MTBP: variants seen among roughly 807,000 people sequenced by gnomAD.
MTBP encodes the protein MDM2 binding protein, also known as mdm2-binding protein.
A neutral mutation model predicts 117.0 loss-of-function variants in MTBP; 101 were observed. The ratio of observed to expected loss-of-function variants is 0.86; its 90% CI spans 0.73 to 1.02. MTBP has a LOEUF of 1.02. MTBP is among the 50% of genes least tolerant of loss of function. The probability of loss-of-function intolerance (pLI) is 0.00; values close to 1 mark genes in which losing one functional copy is unlikely to be tolerated. For synonymous variants in MTBP, 350 were observed against 351.5 expected (o/e 1.00, Z 0.05); for missense variants, 970 against 1,030.9 (o/e 0.94, Z 0.81).
At chr8:120,454,066 G>A (rs920576609) in intron 5 of MTBP, among the ~76,000 whole-genome samples, 161 bp downstream of exon 5, 1 of 151,960 alleles carries the variant, frequency 6.6e-6, no homozygotes, top group African/African-American at 2.4e-5. Flanking sequence ...GTATCCATGG[G>A]AGTACATTAC....
intron 8 of MTBP, among the ~76,000 whole-genome samples, chr8:120,460,395 A>G (rs1003176435): frequency 1.3e-5 from 2 of 152,112 alleles, no homozygotes; most frequent in African/African-American, 4.8e-5. Flanking sequence ...ATAAACACAT[A>G]TGTTTATGAT....
At chr8:120,488,064 A>G in intron 11 of MTBP, 95 bp from the exon 12 acceptor site, 1 of 1,075,468 alleles carries the variant, frequency 9.3e-7, no homozygotes, top group East Asian at 3.0e-5. Context: ...TAAAATAACA[A>G]AAAATTTTAT....
At chr8:120,495,176 A>G (rs1473571209) in intron 13 of MTBP, among the ~76,000 whole-genome samples, 4 of 152,072 alleles carry the variant, frequency 2.6e-5, no homozygotes, top group Admixed American at 2.6e-4. Context: ...GAGTTCTTGC[A>G]TGTCTGAAAA....
chr8:120,455,627 C>T (rs1813451912), intron 6 of MTBP, 48 bp downstream of exon 6: 3 of 1,532,722 alleles, frequency 2.0e-6, no homozygotes, highest in Non-Finnish European at 2.7e-6. Flanking sequence ...TGTCTGTTTT[C>T]ACAATTAACA....
chr8:120,516,632 A>G (rs1196875360), intron 18 of MTBP, among the ~76,000 whole-genome samples: 1 of 152,040 alleles, frequency 6.6e-6, no homozygotes, highest in Non-Finnish European at 1.5e-5. Flanking sequence ...ATAGCTTTAA[A>G]CACTGCATAA....
chr8:120,452,808 C>G (rs117882324), intron 4 of MTBP: 2 of 134,478 alleles, frequency 1.5e-5, no homozygotes, highest in Admixed American at 1.7e-4. Context: ...CCAGCCTGAG[C>G]GACAGAGCAA....
At chr8:120,466,991 G>T (rs1190958789) in intron 10 of MTBP, among the ~76,000 whole-genome samples, 1 of 152,144 alleles carries the variant, frequency 6.6e-6, no homozygotes, top group Non-Finnish European at 1.5e-5. Flanking sequence ...AGAATAAGAT[G>T]GACAGGCCCT....
In MTBP at chr8:120,497,426, T is replaced by C. The variant is rs1814490636; in HGVS notation, c.1481T>C (p.Val494Ala). The C allele has an allele frequency of 6.2e-7, 1 of 1,606,088 alleles. No homozygotes were observed. Among genetic ancestry groups the C allele is most frequent in the Non-Finnish European group, 8.5e-7 (1 of 1,177,612 alleles). The change falls in exon 14 of 22, where the codon GTT (valine) becomes GCT (alanine). Residue 494 changes from valine to alanine, a missense_variant. Val to Ala is a moderately conservative substitution (Grantham distance 64, BLOSUM62 0). Coordinates refer to ENST00000305949, the MANE Select transcript of MTBP (RefSeq NM_022045.5). ...AAGTTGGCAAAGCAGCCTGAAACAGTTTCTGTTGCTGAACTCAAAAGTCTG... is the reference window on the plus strand; with the variant it reads ...AAGTTGGCAAAGCAGCCTGAAACAGCTTCTGTTGCTGAACTCAAAAGTCTG... ...RRKLAKQPETVSVAELKSLLV... is the reference protein window; with the variant it reads ...RRKLAKQPETASVAELKSLLV...
rs547603751 is a variant in MTBP, at chr8:120,515,779, A to G, written c.1980-146A>G. ...GAAGAAAACTGAACTTGGGAGGGAA[A>G]TAGGCCAGCCACTCAACCTTCCAGC... On this transcript the variant is annotated intron_variant, in intron 17 of 21. Coordinates refer to ENST00000305949, the MANE Select transcript of MTBP (RefSeq NM_022045.5). 2.9e-3 allele frequency: 2,067 copies of G among 714,652 alleles called. 11 individuals are homozygous for G. The highest frequency in any genetic ancestry group is 6.1e-3 in the Middle Eastern group (15 of 2,454). The allele number at this position is 714,652 out of a possible 1,614,324, so 44.3% of individuals were successfully genotyped here.
chr8:120,464,664 G>C (rs1378964053), intron 10 of MTBP, among the ~76,000 whole-genome samples: 1 of 151,880 alleles, frequency 6.6e-6, no homozygotes, highest in Non-Finnish European at 1.5e-5. Context: ...TAAAATTTTG[G>C]CTTCTGGCCT....
chr8:120,449,489 G>C (rs1045870489), intron 2 of MTBP, among the ~76,000 whole-genome samples: 6 of 152,190 alleles, frequency 3.9e-5, no homozygotes, highest in African/African-American at 7.2e-5. Flanking sequence ...AGATGTAGGA[G>C]AGGGCTGGAG....
At chr8:120,453,812 G>A (rs774411365) in intron 4 of MTBP, 35 bp from the exon 5 acceptor site, 1 of 1,062,046 alleles carries the variant, frequency 9.4e-7, no homozygotes, top group Non-Finnish European at 1.4e-6. Context: ...TATATTTATG[G>A]GGTTTTCTTT....
At chr8:120,509,816 C>G in intron 16 of MTBP, 118 bp from the exon 17 acceptor site, 1 of 640,892 alleles carries the variant, frequency 1.6e-6, no homozygotes, top group Non-Finnish European at 2.7e-6. Flanking sequence ...AACCTTTGTC[C>G]CATATAAAAT....
intron 17 of MTBP, among the ~76,000 whole-genome samples, chr8:120,514,965 C>T (rs1814889895): frequency 6.6e-6 from 1 of 151,964 alleles, no homozygotes; most frequent in South Asian, 2.1e-4. Context: ...CTCCGTAAGT[C>T]TGTATCAAAT....
chr8:120,508,979 A>G (rs1814746674), intron 16 of MTBP, among the ~76,000 whole-genome samples: 2 of 152,150 alleles, frequency 1.3e-5, no homozygotes, highest in African/African-American at 4.8e-5. Context: ...AGGTGTGGAA[A>G]GGCTTGAACA....
At chr8:120,498,227 TAGGATTATTGTG>T (rs758771678) in intron 14 of MTBP, among the ~76,000 whole-genome samples, 15 of 152,204 alleles carry the variant, frequency 9.9e-5, no homozygotes, top group Admixed American at 4.6e-4. Context: ...ACCCACTTAC[TAGGATTATTGTG>T]AGGATTAGTA....
chr8:120,454,776 A>G lies in MTBP; in HGVS notation c.485-659A>G, dbSNP rs1220753041. On this transcript the variant is annotated intron_variant, in intron 5 of 21. Transcript: ENST00000305949. Reference sequence around the variant, plus strand: ...TGTTGAGGTCAAAGTATGCACTGAAATATTACATAGTTGTTTTGGCAAATT... The same window carrying G: ...TGTTGAGGTCAAAGTATGCACTGAAGTATTACATAGTTGTTTTGGCAAATT... Among the ~76,000 whole-genome samples the G allele has an allele frequency of 3.9e-5, 6 of 152,226 alleles. No individual in the cohort carries two copies. The East Asian group carries it at 1.2e-3, about 29-fold the overall frequency.
At chr8:120,490,694 A>G (rs2130584474) in intron 13 of MTBP, 124 bp downstream of exon 13, 1 of 594,900 alleles carries the variant, frequency 1.7e-6, no homozygotes, top group East Asian at 3.0e-5. Flanking sequence ...TTAATTATAG[A>G]ACTATTTTTG....
In MTBP at chr8:120,462,957, A is replaced by G. The variant is rs146606743; in HGVS notation, c.978-735A>G. Among the ~76,000 whole-genome samples the G allele has an allele frequency of 4.1e-3, 620 of 152,216 alleles. 5 individuals carry two copies. Among genetic ancestry groups the G allele is most frequent in the African/African-American group, 0.014 (596 of 41,548 alleles). On this transcript the variant is annotated intron_variant, in intron 9 of 21. Coordinates refer to ENST00000305949, the MANE Select transcript of MTBP (RefSeq NM_022045.5). ...TTTCATGGTACCACCCAACACTTAG[A>G]TGTTTGGCCGTGTTTTTACATAATA...
Sources: gnomAD v4.1 joint callset for allele counts (sites outside exome capture counted in the v4.1 genomes callset) on GRCh38, gnomAD v4.1.1 for gene constraint, MANE v1.5 for transcripts, NCBI Gene and HGNC (gene_info 2026-07-23, HGNC 2026-07-21) for gene names.